Variants in RNLS observed in about 807,000 individuals in gnomAD.
RNLS encodes the protein renalase.
A neutral mutation model predicts 39.8 loss-of-function variants in RNLS; 39 were observed. The observed-to-expected ratio is 0.98, with a 90% confidence interval of 0.76 to 1.28. RNLS has a LOEUF of 1.28. Ranked by LOEUF, RNLS falls within the 50% of genes most tolerant of loss-of-function variation. The probability of loss-of-function intolerance (pLI) is 0.00; values close to 1 mark genes in which losing one functional copy is unlikely to be tolerated. For synonymous variants in RNLS, 147 were observed against 150.7 expected, an observed-to-expected ratio of 0.98 and a Z score of 0.18; for missense variants, 410 against 413.3, an observed-to-expected ratio of 0.99 and a Z score of 0.07.
At chr10:88,402,123 A>G (rs1467030711) in intron 4 of RNLS, among the ~76,000 whole-genome samples, 1 of 152,050 alleles carries the variant, frequency 6.6e-6, no homozygotes, top group East Asian at 1.9e-4. Flanking sequence ...GCCTTTCAAA[A>G]GAGGGAGCTC....
At chr10:88,190,035 G>A in the RNLS span, among the ~76,000 whole-genome samples, 5 of 152,178 alleles carry the variant, frequency 3.3e-5, no homozygotes, top group African/African-American at 1.2e-4. Flanking sequence ...GATCATAGAC[G>A]AGGGCAGAGA....
At chr10:88,174,548 G>C in the RNLS span, among the ~76,000 whole-genome samples, 24 of 152,130 alleles carry the variant, frequency 1.6e-4, no homozygotes, top group Non-Finnish European at 3.4e-4. Context: ...TTTTAGATGT[G>C]ATGTATCACG....
At chr10:88,233,262 G>T in the RNLS span, among the ~76,000 whole-genome samples, 2 of 152,186 alleles carry the variant, frequency 1.3e-5, no homozygotes, top group African/African-American at 4.8e-5. Flanking sequence ...AAAAGAGAAA[G>T]CTTTTTTCCT....
intron 4 of RNLS, among the ~76,000 whole-genome samples, chr10:88,481,373 T>C (rs1475970558): frequency 6.6e-6 from 1 of 152,174 alleles, no homozygotes; most frequent in Non-Finnish European, 1.5e-5. Context: ...TCTTGTGTTT[T>C]TTTGTTTTTC....
intron 4 of RNLS, among the ~76,000 whole-genome samples, chr10:88,439,603 C>T (rs191598017): frequency 6.6e-6 from 1 of 152,318 alleles, no homozygotes; most frequent in Non-Finnish European, 1.5e-5. Flanking sequence ...ATTGGCATCT[C>T]TTGAGACATT....
At chr10:88,263,508 C>A in the RNLS span, among the ~76,000 whole-genome samples, 1 of 152,084 alleles carries the variant, frequency 6.6e-6, no homozygotes, top group Non-Finnish European at 1.5e-5. Context: ...TGCAGGGACC[C>A]CTTCTAAAAC....
At chr10:88,337,553 GCTCT>G (rs773850233) in intron 5 of RNLS, among the ~76,000 whole-genome samples, 9 of 152,140 alleles carry the variant, frequency 5.9e-5, no homozygotes, top group Middle Eastern at 3.2e-3. Context: ...AAATGGTCTT[GCTCT>G]CTCTCTGTTT....
At chr10:88,186,440 T>C in the RNLS span, among the ~76,000 whole-genome samples, 1 of 152,184 alleles carries the variant, frequency 6.6e-6, no homozygotes, top group Non-Finnish European at 1.5e-5. Flanking sequence ...TCAAAGAATG[T>C]GTGTTTTACA....
At chr10:88,224,651 C>A in the RNLS span, among the ~76,000 whole-genome samples, 1 of 152,152 alleles carries the variant, frequency 6.6e-6, no homozygotes, top group Non-Finnish European at 1.5e-5. Flanking sequence ...TATTATATAA[C>A]TTTCTGTAGC....
At chr10:88,208,720 T>G in the RNLS span, among the ~76,000 whole-genome samples, 1 of 152,138 alleles carries the variant, frequency 6.6e-6, no homozygotes, top group Non-Finnish European at 1.5e-5. Flanking sequence ...CAGAAATTTC[T>G]GATATTTCTG....
chr10:88,225,908 G>A, the RNLS span, among the ~76,000 whole-genome samples: 3 of 150,898 alleles, frequency 2.0e-5, no homozygotes, highest in Non-Finnish European at 3.0e-5. Context: ...ATTTACATCA[G>A]TGTCCTATTT....
chr10:88,431,771 G>A (rs1366921818), intron 4 of RNLS, among the ~76,000 whole-genome samples: 1 of 151,668 alleles, frequency 6.6e-6, no homozygotes, highest in African/African-American at 2.4e-5. Context: ...AATATTTGAG[G>A]ATTTCTCAGA....
chr10:88,513,468 A>G (rs1249220143), intron 4 of RNLS, among the ~76,000 whole-genome samples: 1 of 152,138 alleles, frequency 6.6e-6, no homozygotes, highest in Non-Finnish European at 1.5e-5. Flanking sequence ...ACTCAGACAC[A>G]AACCAGATAG....
At chr10:88,197,031 A>G in the RNLS span, among the ~76,000 whole-genome samples, 1 of 152,178 alleles carries the variant, frequency 6.6e-6, no homozygotes, top group African/African-American at 2.4e-5. Context: ...CACATCTTCC[A>G]ATCTTTTTGT....
At chr10:88,467,142 A>T in intron 4 of RNLS, among the ~76,000 whole-genome samples, 1 of 152,188 alleles carries the variant, frequency 6.6e-6, no homozygotes, top group East Asian at 1.9e-4. Flanking sequence ...CTCAGACTCC[A>T]TTATTTCATT....
At chr10:88,252,251 T>C in the RNLS span, among the ~76,000 whole-genome samples, 1 of 152,226 alleles carries the variant, frequency 6.6e-6, no homozygotes, top group African/African-American at 2.4e-5. Flanking sequence ...CAGTAGGTAC[T>C]GTATGCATTT....
At chr10:88,456,642 T>C (rs1195058324) in intron 4 of RNLS, among the ~76,000 whole-genome samples, 1 of 152,104 alleles carries the variant, frequency 6.6e-6, no homozygotes, top group Non-Finnish European at 1.5e-5. Flanking sequence ...ATGGGCAACA[T>C]ACAGCAAGGG....
chr10:88,346,951 C>T (rs7917640), intron 5 of RNLS, among the ~76,000 whole-genome samples: 45,184 of 151,940 alleles, frequency 0.3, 8,649 homozygotes, highest in African/African-American at 0.54. Flanking sequence ...GAATTCTTGA[C>T]AGTGAGGAAA....
chr10:88,251,878 G>A, the RNLS span, among the ~76,000 whole-genome samples: 2 of 152,206 alleles, frequency 1.3e-5, no homozygotes, highest in Non-Finnish European at 2.9e-5. Flanking sequence ...ACATCTAAAT[G>A]GGTCAGCTAA....
Sources: gnomAD v4.1 joint callset for allele counts (sites outside exome capture counted in the v4.1 genomes callset) on GRCh38, gnomAD v4.1.1 for gene constraint, MANE v1.5 for transcripts, NCBI Gene and HGNC (gene_info 2026-07-23, HGNC 2026-07-21) for gene names.